The following RIN2 variants were observed in gnomAD, a reference collection of about 807,000 sequenced individuals.
The protein encoded by RIN2 is RAB5 interacting protein 2.
Under a neutral mutation model 78.0 loss-of-function variants are expected in RIN2, and 36 were observed. The ratio of observed to expected loss-of-function variants is 0.46; its 90% CI spans 0.35 to 0.61. The LOEUF (loss-of-function observed/expected upper bound fraction) is 0.61. Among genes scored for constraint, RIN2 ranks in the 20% least tolerant of loss-of-function variants. The pLI is 0.00. For synonymous variants in RIN2, 466 were observed against 466.8 expected, an observed-to-expected ratio of 1.00 and a Z score of 0.02; for missense variants, 1,087 against 1,159.7, an observed-to-expected ratio of 0.94 and a Z score of 0.91.
At chr20:19,914,120 C>T (rs762509903) in intron 3 of RIN2, among the ~76,000 whole-genome samples, 3 of 152,178 alleles carry the variant, frequency 2.0e-5, no homozygotes, top group Admixed American at 6.5e-5. Context: ...AGTGATCAGA[C>T]GGGCTTACTG....
chr20:19,966,766 T>C (rs925231825), intron 7 of RIN2, among the ~76,000 whole-genome samples: 4 of 152,166 alleles, frequency 2.6e-5, no homozygotes, highest in Non-Finnish European at 5.9e-5. Context: ...TCACTGAGAA[T>C]GGGACTAGTA....
At chr20:19,846,867 G>C (rs1160601572) in intron 2 of RIN2, among the ~76,000 whole-genome samples, 2 of 152,130 alleles carry the variant, frequency 1.3e-5, no homozygotes, top group African/African-American at 4.8e-5. Context: ...GTCATGAATA[G>C]AGATAGCACC....
At chr20:19,851,031 AAGG>A (rs1309601564) in intron 2 of RIN2, among the ~76,000 whole-genome samples, 178 of 116,440 alleles carry the variant, frequency 1.5e-3, no homozygotes, top group African/African-American at 6.1e-3. Flanking sequence ...GGAAGGAAGG[AAGG>A]AAGGAAGGAA....
chr20:19,987,992 A>G (rs2042674741), intron 9 of RIN2, among the ~76,000 whole-genome samples: 1 of 152,144 alleles, frequency 6.6e-6, no homozygotes, highest in African/African-American at 2.4e-5. Flanking sequence ...GACTGTTTTC[A>G]TTGTTTGTAC....
chr20:19,873,180 A>C (rs2037744176), intron 2 of RIN2, among the ~76,000 whole-genome samples: 1 of 151,388 alleles, frequency 6.6e-6, no homozygotes, highest in Admixed American at 6.6e-5. Context: ...GCTGGAGTGC[A>C]GTGGTGCAAT....
intron 2 of RIN2, among the ~76,000 whole-genome samples, chr20:19,844,664 T>TTCC (rs1568807604): frequency 1.7e-4 from 18 of 106,634 alleles, no homozygotes; most frequent in African/African-American, 6.0e-4. Flanking sequence ...CTTCTTCTTC[T>TTCC]TCTTCCTTCT....
chr20:19,873,535 G>T (rs2037756194), intron 2 of RIN2, among the ~76,000 whole-genome samples: 3 of 152,180 alleles, frequency 2.0e-5, no homozygotes, highest in Admixed American at 6.5e-5. Context: ...AACAGCTATA[G>T]ACTATATGTT....
chr20:19,844,686 C>CTTCT lies in RIN2; in HGVS notation c.-36-44879_-36-44878insTCTT, dbSNP rs1491543395. On this transcript the variant is annotated intron_variant, in intron 2 of 12. Transcript: ENST00000255006. ...TTCTTCTTCCTTCTTCTTCTTCTTC[C>CTTCT]TCTTCCTCTTCCTCTTCTTCTTCTT... Among the ~76,000 whole-genome samples the CTTCT allele has an allele frequency of 5.0e-4, 15 of 30,098 alleles. No homozygotes were observed. In the East Asian group the frequency reaches 6.5e-3, roughly 13 times the overall value. 19.7% of individuals were successfully genotyped at this position (30,098 alleles called of 152,430 possible).
At chr20:19,940,272 C>T (rs2040813246) in intron 4 of RIN2, among the ~76,000 whole-genome samples, 2 of 152,134 alleles carry the variant, frequency 1.3e-5, no homozygotes, top group South Asian at 2.1e-4. Context: ...AGCACGCACT[C>T]GCAAGTATTT....
Position 19,975,340 on chromosome 20 carries a change from T to A in RIN2, c.1315T>A (p.Ser439Thr). ...CGACATGAGCATTTCTACTTCCTCC[T>A]CCGACTCGCTGGAGTTCGACCGGAG... ...LSDMSISTSS[S>T]DSLEFDRSMP... is the part of the protein sequence containing the mutation. The change falls in exon 9 of 13, where the codon TCC becomes ACC. Residue 439 changes from serine to threonine, a missense_variant. Coordinates refer to ENST00000255006, the MANE Select transcript of RIN2 (RefSeq NM_018993.4). The surrounding 1 kb of genome is among the most constrained non-coding windows in gnomAD (Gnocchi z 4.9). The A allele has an allele frequency of 6.2e-7, 1 of 1,612,594 alleles. No individual in the cohort carries two copies. Among genetic ancestry groups the A allele is most frequent in the Non-Finnish European group, 8.5e-7 (1 of 1,179,320 alleles).
intron 2 of RIN2, among the ~76,000 whole-genome samples, chr20:19,840,980 C>T (rs967796356): frequency 2.6e-5 from 4 of 152,030 alleles, no homozygotes; most frequent in African/African-American, 9.7e-5. Context: ...CTTTTTTCTT[C>T]GGCCTCTCTT....
At chr20:19,861,760 C>T (rs987650207) in intron 2 of RIN2, among the ~76,000 whole-genome samples, 7 of 151,912 alleles carry the variant, frequency 4.6e-5, no homozygotes, top group Non-Finnish European at 8.8e-5. Flanking sequence ...GATCACCCTC[C>T]ATATCTGATG....
At position 19,990,112 on chromosome 20, in the gene RIN2, A is replaced by G; in HGVS notation, c.1869A>G (p.Gln623=). 6.2e-7 allele frequency: 1 copy of G among 1,601,538 alleles called. No homozygotes were observed. Among genetic ancestry groups the G allele is most frequent in the Non-Finnish European group, 8.5e-7 (1 of 1,174,152 alleles). ...DFHMADGSWK[Q]LKENLQLVRQ... ...ACATGGCCGATGGCTCATGGAAGCA[A>G]CTCAAGGAGAACCTGCAGCTTGTGC... The change falls in exon 10 of 13, where the codon CAA becomes CAG. Residue 623 remains glutamine, a synonymous_variant. Coordinates refer to ENST00000255006, the MANE Select transcript of RIN2 (RefSeq NM_018993.4).
chr20:19,814,240 A>T (rs942750832), intron 2 of RIN2, among the ~76,000 whole-genome samples: 6 of 152,194 alleles, frequency 3.9e-5, no homozygotes, highest in African/African-American at 1.4e-4. Context: ...AGGCTTGGAA[A>T]AATCAGACAA....
chr20:19,979,844 A>T (rs576799436), intron 9 of RIN2, among the ~76,000 whole-genome samples: 2 of 151,868 alleles, frequency 1.3e-5, no homozygotes, highest in Non-Finnish European at 2.9e-5. Flanking sequence ...GGAGTTTGAG[A>T]CCAGCCTGGC....
At chr20:19,997,523 C>G (rs1244699608) in intron 12 of RIN2, among the ~76,000 whole-genome samples, 1 of 152,150 alleles carries the variant, frequency 6.6e-6, no homozygotes, top group Non-Finnish European at 1.5e-5. Flanking sequence ...CTTTGGGAGG[C>G]CAAGGTGGGC....
intron 2 of RIN2, among the ~76,000 whole-genome samples, chr20:19,851,689 TC>T (rs2123190752): frequency 6.6e-6 from 1 of 152,100 alleles, no homozygotes; most frequent in South Asian, 2.1e-4. Flanking sequence ...GCTACTACAC[TC>T]CAACCTGGGC....
At position 20,000,699 on chromosome 20, in the gene RIN2, T is replaced by A. The variant is rs952049958; in HGVS notation, c.2451T>A (p.Asp817Glu). The A allele has an allele frequency of 6.2e-7, 1 of 1,613,820 alleles. No homozygotes were observed. Among genetic ancestry groups the A allele is most frequent in the African/African-American group, 1.3e-5 (1 of 74,904 alleles). ...TGAGACCTTACATCACCACTGAGGA[T>A]GTGTGTCAGATCTGCGCTGAGAAGT... ...LLVRPYITTE[D>E]VCQICAEKFK... Residue 817 changes from aspartate to glutamate, a missense_variant, in exon 13 of 13, where the codon GAT (aspartate) becomes GAA (glutamate). This residue lies in a region of RIN2 where 160 missense variants were observed against 179.4 expected (regional missense o/e 0.89). Transcript: ENST00000255006.
At chr20:19,944,690 C>CA (rs2041015973) in intron 4 of RIN2, among the ~76,000 whole-genome samples, 1 of 148,994 alleles carries the variant, frequency 6.7e-6, no homozygotes, top group Non-Finnish European at 1.5e-5. Context: ...AGAGAAGTGG[C>CA]TTTTTTTTTT....
Sources: allele counts gnomAD v4.1 joint callset (sites outside exome capture counted in the v4.1 genomes callset), GRCh38; gene constraint gnomAD v4.1.1; regional missense constraint gnomAD v4.1.1; non-coding constraint Gnocchi (gnomAD v3.1); transcripts MANE v1.5; gene names NCBI Gene and HGNC (gene_info 2026-07-23, HGNC 2026-07-21).